JAZF1: variants seen among roughly 807,000 people sequenced by gnomAD.
The protein encoded by JAZF1 is juxtaposed with another zinc finger protein 1.
A neutral mutation model predicts 26.4 loss-of-function variants in JAZF1; 8 were observed. The ratio of observed to expected loss-of-function variants is 0.30; its 90% CI spans 0.18 to 0.55. The LOEUF is 0.55. JAZF1 is among the 20% of genes least tolerant of loss of function. The pLI is 0.94. For missense variants in JAZF1, 199 were observed against 322.0 expected, an observed-to-expected ratio of 0.62 and a Z score of 2.92; for synonymous variants, 126 against 122.3, an observed-to-expected ratio of 1.03 and a Z score of -0.20.
chr7:28,115,510 C>A (rs540042635), intron 1 of JAZF1, among the ~76,000 whole-genome samples: 3 of 152,224 alleles, frequency 2.0e-5, no homozygotes, highest in African/African-American at 7.2e-5. Flanking sequence ...ATACAAGACC[C>A]ACTTAGGAGG....
intron 1 of JAZF1, among the ~76,000 whole-genome samples, chr7:28,112,425 T>A (rs1162553345): frequency 6.6e-6 from 1 of 152,224 alleles, no homozygotes; most frequent in Non-Finnish European, 1.5e-5. Context: ...ACAAATCACA[T>A]TAATAAGAGC....
intron 2 of JAZF1, among the ~76,000 whole-genome samples, chr7:27,964,751 T>C (rs73683912): frequency 0.025 from 3,726 of 151,888 alleles, 154 homozygotes; most frequent in African/African-American, 0.086. Flanking sequence ...TTGGTAGTCA[T>C]GAATCTTACC....
Position 27,900,104 on chromosome 7 carries a change from C to T in JAZF1, c.189-4688G>A, listed in dbSNP as rs527364869. On this transcript the variant is annotated intron_variant, in intron 2 of 4. Transcript: ENST00000283928. ...CTGGAATTGTAGCCCCACTGGGCTA[C>T]GATCTGGGAAAGGCTGGCTGTGCCC... Among the ~76,000 whole-genome samples, 10 of 152,252 alleles carry T rather than the reference C, an allele frequency of 6.6e-5. No homozygotes were observed. The East Asian group carries it at 1.5e-3, about 24-fold the overall frequency.
At chr7:27,935,346 T>C (rs1784749993) in intron 2 of JAZF1, among the ~76,000 whole-genome samples, 1 of 152,250 alleles carries the variant, frequency 6.6e-6, no homozygotes, top group Admixed American at 6.5e-5. Context: ...ATATGCCATA[T>C]TCATACACAA....
intron 2 of JAZF1, among the ~76,000 whole-genome samples, chr7:27,912,426 G>A (rs1784372053): frequency 6.6e-6 from 1 of 152,102 alleles, no homozygotes; most frequent in Non-Finnish European, 1.5e-5. Flanking sequence ...TTTTCTCTTG[G>A]AGAGGGTGAG....
intron 2 of JAZF1, among the ~76,000 whole-genome samples, chr7:27,899,093 C>T (rs748101960): frequency 2.6e-5 from 4 of 152,234 alleles, no homozygotes; most frequent in Admixed American, 1.3e-4. Context: ...CATGACTTAA[C>T]CCATTTTCTG....
At chr7:28,116,748 A>C (rs544034695) in intron 1 of JAZF1, among the ~76,000 whole-genome samples, 218 of 152,224 alleles carry the variant, frequency 1.4e-3, no homozygotes, top group Middle Eastern at 0.01. Flanking sequence ...GCACCCAGCC[A>C]AGACAATGTT....
intron 2 of JAZF1, among the ~76,000 whole-genome samples, chr7:27,985,263 A>G (rs1356180706): frequency 6.6e-6 from 1 of 152,234 alleles, no homozygotes; most frequent in Non-Finnish European, 1.5e-5. Flanking sequence ...AAAAATGATA[A>G]AGGGAATATC....
intron 2 of JAZF1, among the ~76,000 whole-genome samples, chr7:27,942,357 T>C (rs1313181041): frequency 6.6e-6 from 1 of 152,206 alleles, no homozygotes; most frequent in Non-Finnish European, 1.5e-5. Flanking sequence ...TAGGTACAAA[T>C]GTCTTAAAGA....
intron 2 of JAZF1, among the ~76,000 whole-genome samples, chr7:27,970,070 T>A (rs1188545059): frequency 6.6e-6 from 1 of 152,084 alleles, no homozygotes; most frequent in Non-Finnish European, 1.5e-5. Context: ...ATGGCTCACA[T>A]GAGCAAATGA....
chr7:27,904,673 C>T (rs1335732371), intron 2 of JAZF1, among the ~76,000 whole-genome samples: 1 of 152,082 alleles, frequency 6.6e-6, no homozygotes, highest in Non-Finnish European at 1.5e-5. Flanking sequence ...ATCACCGAAA[C>T]TCTGAGCCCC....
chr7:27,833,065 C>G (rs1434054613), intron 4 of JAZF1, 89 bp from the exon 5 acceptor site: 9 of 1,009,270 alleles, frequency 8.9e-6, no homozygotes, highest in Admixed American at 5.8e-5. Flanking sequence ...GATTGCAGTT[C>G]CTGGATGGCA....
intron 2 of JAZF1, among the ~76,000 whole-genome samples, chr7:27,933,467 C>CA (rs1784716973): frequency 6.6e-6 from 1 of 152,106 alleles, no homozygotes; most frequent in Non-Finnish European, 1.5e-5. Flanking sequence ...CAGTTTATTA[C>CA]AAAAAACACA....
At chr7:28,085,240 C>T (rs1784196197) in intron 1 of JAZF1, among the ~76,000 whole-genome samples, 2 of 152,134 alleles carry the variant, frequency 1.3e-5, no homozygotes, top group Admixed American at 6.5e-5. Flanking sequence ...TTTTATGTGG[C>T]TAACAGGCAT....
In JAZF1 at chr7:27,955,836, A is replaced by G. The variant is rs147776630; in HGVS notation, c.188+36073T>C. ...GGAGTGCCAAAGCTCAACAAGGTTA[A>G]CCAGACTATCTTTAGTGAATAAAAT... On this transcript the variant is annotated intron_variant, in intron 2 of 4. Transcript: ENST00000283928. Among the ~76,000 whole-genome samples the G allele has an allele frequency of 6.8e-4, 103 of 152,350 alleles. 3 individuals are homozygous for G. In the East Asian group the frequency reaches 0.016, roughly 24 times the overall value.
At chr7:27,954,086 A>T (rs1583478597) in intron 2 of JAZF1, among the ~76,000 whole-genome samples, 1 of 152,198 alleles carries the variant, frequency 6.6e-6, no homozygotes, top group Non-Finnish European at 1.5e-5. Flanking sequence ...CTAGGAACCA[A>T]TGAAGATGGG....
chr7:27,874,303 T>A (rs1445697868), intron 3 of JAZF1, among the ~76,000 whole-genome samples: 1 of 152,188 alleles, frequency 6.6e-6, no homozygotes, highest in African/African-American at 2.4e-5. Flanking sequence ...TAGCAGAACA[T>A]GAGGCTTTTT....
chr7:27,872,407 A>G (rs1583441055), intron 3 of JAZF1, among the ~76,000 whole-genome samples: 1 of 152,216 alleles, frequency 6.6e-6, no homozygotes, highest in African/African-American at 2.4e-5. Flanking sequence ...CTCCCGCCAA[A>G]GGCTTTTTCT....
intron 1 of JAZF1, among the ~76,000 whole-genome samples, chr7:28,101,303 C>G (rs1349691908): frequency 6.6e-6 from 1 of 152,110 alleles, no homozygotes; most frequent in Non-Finnish European, 1.5e-5. Context: ...ATTAAACACA[C>G]CTCCATCACA....
Sources: gnomAD v4.1 joint callset for allele counts (sites outside exome capture counted in the v4.1 genomes callset) on GRCh38, gnomAD v4.1.1 for gene constraint, MANE v1.5 for transcripts, NCBI Gene and HGNC (gene_info 2026-07-23, HGNC 2026-07-21) for gene names.